CFAP52: variants seen among roughly 807,000 people sequenced by gnomAD.
CFAP52 encodes the protein cilia- and flagella-associated protein 52.
Under a neutral mutation model 70.5 loss-of-function variants are expected in CFAP52, and 57 were observed. That is an observed-to-expected ratio of 0.81 (90% CI 0.65 to 1.01). The LOEUF is 1.01. CFAP52 is among the 50% of genes least tolerant of loss of function. CFAP52 has a pLI of 0.00. For synonymous variants in CFAP52, 267 were observed against 292.5 expected, an observed-to-expected ratio of 0.91 and a Z score of 0.89; for missense variants, 785 against 788.5, an observed-to-expected ratio of 1.00 and a Z score of 0.05.
At chr17:9,637,784 A>G (rs1910875010) in intron 11 of CFAP52, among the ~76,000 whole-genome samples, 1 of 152,226 alleles carries the variant, frequency 6.6e-6, no homozygotes, top group Admixed American at 6.5e-5. Context: ...CATGTTGGCC[A>G]GGCTGGTCTC....
intron 10 of CFAP52, among the ~76,000 whole-genome samples, chr17:9,634,534 G>A (rs1419157177): frequency 1.3e-5 from 2 of 150,868 alleles, no homozygotes; most frequent in Non-Finnish European, 2.9e-5. Flanking sequence ...GCAGTGAGCC[G>A]AGACCACGCC....
At position 9,594,224 on chromosome 17, in the gene CFAP52, G is replaced by A. The variant is rs748587285; in HGVS notation, c.439G>A (p.Ala147Thr). 18 of 1,613,448 alleles carry A rather than the reference G, an allele frequency of 1.1e-5. No individual in the cohort carries two copies. In the African/African-American group the frequency reaches 2.3e-4, roughly 20 times the overall value. The change falls in exon 4 of 14, where the codon GCC becomes ACC. Residue 147 changes from alanine (A) to threonine (T), a missense_variant. Coordinates refer to ENST00000352665, the MANE Select transcript of CFAP52 (RefSeq NM_145054.5). Reference sequence around the variant, plus strand: ...GGTGTGGAGCATAGCCAAGAGAGATGCCATCTGTGGCAGCCCTGCAGCCGG... The same window carrying A: ...GGTGTGGAGCATAGCCAAGAGAGATACCATCTGTGGCAGCCCTGCAGCCGG... Reference protein sequence around the residue: ...VVVWSIAKRDAICGSPAAGLN... With the variant: ...VVVWSIAKRDTICGSPAAGLN...
At chr17:9,596,060 T>C (rs1908994045) in intron 4 of CFAP52, among the ~76,000 whole-genome samples, 3 of 55,888 alleles carry the variant, frequency 5.4e-5, no homozygotes, top group Non-Finnish European at 8.8e-5. Flanking sequence ...TATGTGTGTG[T>C]ATATATATAT....
chr17:9,608,053 A>G, intron 6 of CFAP52, 66 bp from the exon 7 acceptor site: 1 of 1,322,314 alleles, frequency 7.6e-7, no homozygotes, highest in East Asian at 2.4e-5. Context: ...TGGTTACATG[A>G]GTACATTCTT....
At chr17:9,591,559 CTTTGT>C (rs1166583917) in intron 3 of CFAP52, among the ~76,000 whole-genome samples, 2 of 152,114 alleles carry the variant, frequency 1.3e-5, no homozygotes, top group African/African-American at 2.4e-5. Context: ...TGTTGTTGCC[CTTTGT>C]TTTATCTATT....
intron 1 of CFAP52, among the ~76,000 whole-genome samples, chr17:9,580,186 A>C (rs1217712505): frequency 2.0e-5 from 3 of 152,160 alleles, no homozygotes; most frequent in Non-Finnish European, 1.5e-5. Flanking sequence ...ATAAAGTTTT[A>C]TTGGAATGTA....
chr17:9,633,223 A>T (rs1290833550), intron 10 of CFAP52, among the ~76,000 whole-genome samples, 190 bp downstream of exon 10: 1 of 152,160 alleles, frequency 6.6e-6, no homozygotes, highest in Non-Finnish European at 1.5e-5. Context: ...CTTATTTTGA[A>T]ATGGAGTCTC....
chr17:9,584,116 T>A, intron 1 of CFAP52: 3 of 1,085,810 alleles, frequency 2.8e-6, no homozygotes, highest in Non-Finnish European at 3.5e-6. Context: ...TGCCCTGTTC[T>A]TACCAGGCTG....
At chr17:9,578,780 A>G (rs1242957227) in intron 1 of CFAP52, among the ~76,000 whole-genome samples, 1 of 152,174 alleles carries the variant, frequency 6.6e-6, no homozygotes, top group Non-Finnish European at 1.5e-5. Flanking sequence ...TCCTGACCTC[A>G]GGTGATCCAC....
chr17:9,608,974 A>G (rs1462609947), intron 7 of CFAP52, among the ~76,000 whole-genome samples: 1 of 152,238 alleles, frequency 6.6e-6, no homozygotes, highest in Admixed American at 6.5e-5. Flanking sequence ...TGAATGTTGT[A>G]GAGATCAGAG....
At chr17:9,593,017 T>C (rs1412504297) in intron 3 of CFAP52, among the ~76,000 whole-genome samples, 2 of 152,232 alleles carry the variant, frequency 1.3e-5, no homozygotes, top group Non-Finnish European at 2.9e-5. Context: ...ATGGCTATTA[T>C]ATGACTTCCT....
At chr17:9,598,760 C>CAA (rs71135996) in intron 5 of CFAP52, among the ~76,000 whole-genome samples, 2 of 132,550 alleles carry the variant, frequency 1.5e-5, no homozygotes, top group Non-Finnish European at 3.2e-5. Context: ...CACTCTGTTT[C>CAA]AAAAAAAAAA....
intron 8 of CFAP52, among the ~76,000 whole-genome samples, chr17:9,626,925 A>T (rs1308689601): frequency 6.6e-6 from 1 of 152,214 alleles, no homozygotes; most frequent in South Asian, 2.1e-4. Flanking sequence ...GAAAAAATGT[A>T]GACATTGCTT....
chr17:9,615,148 C>T (rs1206656263), intron 8 of CFAP52, among the ~76,000 whole-genome samples: 1 of 152,162 alleles, frequency 6.6e-6, no homozygotes, highest in Non-Finnish European at 1.5e-5. Context: ...GTACTGCATT[C>T]TTCATTTACT....
At chr17:9,612,558 A>G (rs1909757605) in intron 8 of CFAP52, 79 bp downstream of exon 8, 1 of 1,453,386 alleles carries the variant, frequency 6.9e-7, no homozygotes, top group Non-Finnish European at 9.2e-7. Context: ...TGCATTTTCA[A>G]TATTAATGAA....
intron 7 of CFAP52, among the ~76,000 whole-genome samples, chr17:9,608,634 A>G (rs910320649): frequency 6.6e-6 from 1 of 152,210 alleles, no homozygotes; most frequent in African/African-American, 2.4e-5. Flanking sequence ...TTAATCATGC[A>G]TTTGAATACA....
intron 3 of CFAP52, among the ~76,000 whole-genome samples, chr17:9,591,533 T>C (rs984023042): frequency 6.6e-6 from 1 of 152,230 alleles, no homozygotes; most frequent in Admixed American, 6.5e-5. Flanking sequence ...CTGGAATCTA[T>C]TTGGCCAGAT....
chr17:9,612,170 T>C (rs1254535978), intron 7 of CFAP52, 139 bp from the exon 8 acceptor site: 10 of 1,124,150 alleles, frequency 8.9e-6, no homozygotes, highest in African/African-American at 1.5e-5. Flanking sequence ...GAGTAACTCC[T>C]GCCTTTTCAA....
intron 4 of CFAP52, among the ~76,000 whole-genome samples, chr17:9,596,719 TG>T (rs1909033743): frequency 3.3e-5 from 5 of 151,344 alleles, no homozygotes; most frequent in African/African-American, 9.7e-5. Flanking sequence ...TGTGTGTGTG[TG>T]TGTTTTTTTT....
Sources: gnomAD v4.1 joint callset for allele counts (sites outside exome capture counted in the v4.1 genomes callset) on GRCh38, gnomAD v4.1.1 for gene constraint, MANE v1.5 for transcripts, NCBI Gene and HGNC (gene_info 2026-07-23, HGNC 2026-07-21) for gene names.